Variants in PAFAH1B1 observed in about 807,000 individuals in gnomAD.
PAFAH1B1 encodes platelet-activating factor acetylhydrolase IB subunit beta.
In PAFAH1B1, 2 loss-of-function variants were observed where a neutral mutation model predicts 57.5. That is an observed-to-expected ratio of 0.03 (90% CI 0.01 to 0.11). PAFAH1B1 has a LOEUF of 0.11. PAFAH1B1 is among the 10% of genes least tolerant of loss of function. The pLI is 1.00. For missense variants in PAFAH1B1, 257 were observed against 512.0 expected, an observed-to-expected ratio of 0.50 and a Z score of 4.81; for synonymous variants, 152 against 169.6, an observed-to-expected ratio of 0.90 and a Z score of 0.81.
chr17:2,640,657 C>G (rs1056009941), intron 2 of PAFAH1B1: 1 of 151,350 alleles, frequency 6.6e-6, no homozygotes, highest in East Asian at 1.9e-4. Flanking sequence ...TTCACTGTGT[C>G]GGCCAGACTG....
chr17:2,658,807 T>C (rs1160849153), intron 2 of PAFAH1B1, among the ~76,000 whole-genome samples: 1 of 152,180 alleles, frequency 6.6e-6, no homozygotes, highest in African/African-American at 2.4e-5. Flanking sequence ...TATCTTAGAA[T>C]GTGATGGTGA....
chr17:2,680,072 T>G, intron 9 of PAFAH1B1, 92 bp from the exon 10 acceptor site: 1 of 1,128,810 alleles, frequency 8.9e-7, no homozygotes, highest in Non-Finnish European at 1.3e-6. Context: ...TCTTTTGATG[T>G]TTTTGGTATG....
intron 1 of PAFAH1B1, among the ~76,000 whole-genome samples, chr17:2,604,478 A>G (rs2068183131): frequency 6.6e-6 from 1 of 152,154 alleles, no homozygotes; most frequent in Admixed American, 6.6e-5. Context: ...CTACACACTA[A>G]AGACAGCCAA....
At chr17:2,653,184 A>G (rs1454435991) in intron 2 of PAFAH1B1, among the ~76,000 whole-genome samples, 1 of 152,004 alleles carries the variant, frequency 6.6e-6, no homozygotes, top group Non-Finnish European at 1.5e-5. Context: ...AAAACCAAAC[A>G]CCACATGTTC....
chr17:2,613,567 C>G (rs926458047), intron 1 of PAFAH1B1: 2 of 275,564 alleles, frequency 7.3e-6, no homozygotes, highest in African/African-American at 2.3e-5. Flanking sequence ...GCTTCAACCC[C>G]GTGGTGGTCA....
chr17:2,646,140 AATT>A lies in PAFAH1B1; in HGVS notation c.32+7822_32+7824del, dbSNP rs550399995. On this transcript the variant is annotated intron_variant, in intron 2 of 10. Coordinates refer to ENST00000397195, the MANE Select transcript of PAFAH1B1 (RefSeq NM_000430.4). ...TCTAAAGAAAGCAGGAAAGGGGAAG[AATT>A]AATAATAAATAAAAGCAGACCTTAA... Among the ~76,000 whole-genome samples, 8 of 152,304 alleles carry A rather than the reference AATT, an allele frequency of 5.3e-5. No homozygotes were observed. The South Asian group carries it at 1.7e-3, about 32-fold the overall frequency.
intron 1 of PAFAH1B1, among the ~76,000 whole-genome samples, chr17:2,618,955 A>G (rs1269019194): frequency 3.4e-4 from 11 of 32,244 alleles, no homozygotes; most frequent in South Asian, 1.3e-3. Flanking sequence ...ACTCCGTCTC[A>G]AAAAAAAAAA....
chr17:2,633,383 G>A (rs2151630969), intron 1 of PAFAH1B1, among the ~76,000 whole-genome samples: 1 of 151,502 alleles, frequency 6.6e-6, no homozygotes, highest in South Asian at 2.1e-4. Flanking sequence ...GGTCAGGCTG[G>A]ACTCAAACTC....
At chr17:2,670,126 G>T in intron 5 of PAFAH1B1, 37 bp from the exon 6 acceptor site, 1 of 1,588,922 alleles carries the variant, frequency 6.3e-7, no homozygotes, top group Non-Finnish European at 8.6e-7. Flanking sequence ...AAGGAGTGAT[G>T]GAGTTGGTGT....
chr17:2,635,470 C>T (rs566524151), intron 1 of PAFAH1B1: 2 of 152,080 alleles, frequency 1.3e-5, no homozygotes, highest in African/African-American at 2.4e-5. Flanking sequence ...CTCAAGCAAC[C>T]CTCCTGCCTC....
chr17:2,610,888 G>A (rs1209066909), intron 1 of PAFAH1B1, among the ~76,000 whole-genome samples: 1 of 152,192 alleles, frequency 6.6e-6, no homozygotes, highest in Non-Finnish European at 1.5e-5. Context: ...GGATAGATTT[G>A]TCTTTCAGTG....
At chr17:2,629,086 TC>T (rs2068526001) in intron 1 of PAFAH1B1, among the ~76,000 whole-genome samples, 2 of 152,318 alleles carry the variant, frequency 1.3e-5, no homozygotes, top group East Asian at 3.9e-4. Flanking sequence ...TTTGTTTGTT[TC>T]AATTTCATTT....
At chr17:2,661,121 A>G (rs767419401) in intron 2 of PAFAH1B1, among the ~76,000 whole-genome samples, 92 of 151,686 alleles carry the variant, frequency 6.1e-4, no homozygotes, top group Admixed American at 1.1e-3. Context: ...TGTAGGTTGC[A>G]TGTTCACTCT....
At chr17:2,615,033 A>G (rs986973927) in intron 1 of PAFAH1B1, among the ~76,000 whole-genome samples, 2 of 138,342 alleles carry the variant, frequency 1.4e-5, no homozygotes, top group Non-Finnish European at 3.3e-5. Context: ...TGTGGATTCA[A>G]CCAACTCCAG....
chr17:2,685,077 G>C lies in PAFAH1B1; in HGVS notation c.*3275G>C, dbSNP rs1338482338. ...TCATGTCCAGCTGTATATAAGTCCAGTGTGTTCATCTAGATGACGCAAAGA... is the reference window on the plus strand; with the variant it reads ...TCATGTCCAGCTGTATATAAGTCCACTGTGTTCATCTAGATGACGCAAAGA... On this transcript the variant is annotated 3_prime_UTR_variant, in exon 11 of 11. Coordinates refer to ENST00000397195, the MANE Select transcript of PAFAH1B1 (RefSeq NM_000430.4). The C allele has an allele frequency of 6.6e-6, 1 of 150,786 alleles. No individual in the cohort carries two copies. The highest frequency in any genetic ancestry group is 6.7e-5 in the Admixed American group (1 of 14,924). 9.3% of individuals were successfully genotyped at this position (150,786 alleles called of 1,614,324 possible).
chr17:2,643,195 C>T (rs533513535), intron 2 of PAFAH1B1, among the ~76,000 whole-genome samples: 9 of 151,930 alleles, frequency 5.9e-5, no homozygotes, highest in South Asian at 4.2e-4. Flanking sequence ...TGGGCTAAAG[C>T]GATTGTTACA....
chr17:2,665,488 G>C (rs2069094267), intron 3 of PAFAH1B1, 32 bp downstream of exon 3: 3 of 1,200,740 alleles, frequency 2.5e-6, no homozygotes, highest in South Asian at 1.2e-5. Flanking sequence ...TCAAAGTATA[G>C]TTAATGAGTG....
intron 1 of PAFAH1B1, among the ~76,000 whole-genome samples, chr17:2,636,531 CCT>C (rs983428938): frequency 2.0e-5 from 3 of 152,038 alleles, no homozygotes; most frequent in Non-Finnish European, 2.9e-5. Context: ...CTCACTGCAA[CCT>C]CTGTCTCCCA....
chr17:2,637,526 A>G (rs1334126135), intron 1 of PAFAH1B1, among the ~76,000 whole-genome samples: 6 of 152,142 alleles, frequency 3.9e-5, no homozygotes, highest in Admixed American at 3.9e-4. Context: ...GAAGGCTGCA[A>G]TAAGCTGTGA....
Sources: allele counts gnomAD v4.1 joint callset (sites outside exome capture counted in the v4.1 genomes callset), GRCh38; gene constraint gnomAD v4.1.1; transcripts MANE v1.5; gene names NCBI Gene and HGNC (gene_info 2026-07-23, HGNC 2026-07-21).